The following BARD1 variants were observed in gnomAD, a reference collection of about 807,000 sequenced individuals.
BARD1 encodes the protein BRCA1 associated RING domain 1, also known as BRCA1-associated RING domain protein 1.
Under a neutral mutation model 77.0 loss-of-function variants are expected in BARD1, and 73 were observed. That is an observed-to-expected ratio of 0.95 (90% confidence interval 0.79 to 1.15). The LOEUF (loss-of-function observed/expected upper bound fraction) is 1.15. Among genes scored for constraint, BARD1 ranks in the 50% most tolerant of loss-of-function variants. The pLI is 0.00. For missense variants in BARD1, 993 were observed against 938.8 expected (o/e 1.06, Z -0.75); for synonymous variants, 384 against 338.0 (o/e 1.14, Z -1.49).
At chr2:214,737,434 T>A (rs1692614809) in intron 9 of BARD1, among the ~76,000 whole-genome samples, 1 of 152,096 alleles carries the variant, frequency 6.6e-6, no homozygotes, top group Admixed American at 6.5e-5. Flanking sequence ...CAAGTTTTTT[T>A]GTTCATCTTT....
intron 6 of BARD1, among the ~76,000 whole-genome samples, chr2:214,755,954 A>G (rs781141400): frequency 1.1e-4 from 16 of 152,350 alleles, no homozygotes; most frequent in Admixed American, 6.5e-4. Flanking sequence ...CAGTATATTA[A>G]TATCTTTTAC....
intron 1 of BARD1, among the ~76,000 whole-genome samples, chr2:214,801,933 C>T (rs1352858082): frequency 1.3e-5 from 2 of 151,094 alleles, no homozygotes; most frequent in East Asian, 2.0e-4. Context: ...GATCACAGCT[C>T]ACTGAGCTTT....
Position 214,752,557 on chromosome 2 carries a change from T to A in BARD1, c.1569-2A>T. The A allele has an allele frequency of 6.2e-7, 1 of 1,608,486 alleles. No individual in the cohort carries two copies. The highest frequency in any genetic ancestry group is 8.5e-7 in the Non-Finnish European group (1 of 1,175,046). ...ACAGGCCGCAGACCAAATATATTACTGGTAAAATAAGTGCAGATGTGTTTA... is the reference window on the plus strand; with the variant it reads ...ACAGGCCGCAGACCAAATATATTACAGGTAAAATAAGTGCAGATGTGTTTA... On this transcript the variant is annotated splice_acceptor_variant, in intron 6 of 10. Coordinates refer to ENST00000260947, the MANE Select transcript of BARD1 (RefSeq NM_000465.4). LOFTEE classifies it high-confidence loss of function.
rs375029767 is a variant in BARD1 at position 214,767,571 on chromosome 2, T to G, written c.1479A>C (p.Gln493His). Residue 493 changes from glutamine to histidine, a missense_variant, in exon 6 of 11, where the codon CAA becomes CAC. Physicochemically the swap from Gln to His is conservative, Grantham distance 24 (BLOSUM62 0). Coordinates refer to ENST00000260947, the MANE Select transcript of BARD1 (RefSeq NM_000465.4). ...CTGCATCGTGAAGTGGTGAGTCATT[T>G]TGATACCCGGTGGTGTTCACCAATG... ...HKALVNTTGYQNDSPLHDAAK... is the reference protein window; with the variant it reads ...HKALVNTTGYHNDSPLHDAAK... 7 of 1,614,104 alleles carry G rather than the reference T, an allele frequency of 4.3e-6. No homozygotes were observed. The East Asian group carries it at 1.6e-4, about 36-fold the overall frequency.
intron 1 of BARD1, among the ~76,000 whole-genome samples, chr2:214,808,814 C>G (rs1184247456): frequency 2.0e-5 from 3 of 152,326 alleles, no homozygotes; most frequent in East Asian, 3.9e-4. Flanking sequence ...GCGGGGACAC[C>G]AGACATACAG....
chr2:214,796,862 T>C (rs1260418152), intron 2 of BARD1, 199 bp downstream of exon 2: 3 of 581,754 alleles, frequency 5.2e-6, no homozygotes, highest in Non-Finnish European at 9.2e-6. Context: ...GGACAAGTCA[T>C]CCTCTTTGAG....
intron 9 of BARD1, among the ~76,000 whole-genome samples, chr2:214,742,374 C>T (rs1692878245): frequency 6.6e-6 from 1 of 152,062 alleles, no homozygotes; most frequent in Non-Finnish European, 1.5e-5. Flanking sequence ...ACACTGAGAA[C>T]AGTATAGAAA....
At chr2:214,753,256 T>C (rs2106040683) in intron 6 of BARD1, among the ~76,000 whole-genome samples, 1 of 152,274 alleles carries the variant, frequency 6.6e-6, no homozygotes, top group South Asian at 2.1e-4. Flanking sequence ...ATATTCTCCT[T>C]GTTCAATTTC....
intron 3 of BARD1, among the ~76,000 whole-genome samples, chr2:214,781,734 GAAC>G (rs1237309768): frequency 1.3e-5 from 2 of 151,738 alleles, no homozygotes; most frequent in African/African-American, 4.8e-5. Context: ...ATATAGCAGA[GAAC>G]AAAACATGAA....
chr2:214,775,339 T>C (rs888194924), intron 4 of BARD1, among the ~76,000 whole-genome samples: 2 of 152,170 alleles, frequency 1.3e-5, no homozygotes, highest in Non-Finnish European at 2.9e-5. Flanking sequence ...TTCAATATTC[T>C]TGTGTCCCAG....
chr2:214,727,128 T>C lies in BARD1; in HGVS notation c.*1548A>G, dbSNP rs913006039. ...TGTGGGACAAATGCATTACTGGTTG[T>C]AGAGAGTGTTTCAGAGCTAATTCAC... On this transcript the variant is annotated 3_prime_UTR_variant, in exon 11 of 11. Coordinates refer to ENST00000260947, the MANE Select transcript of BARD1 (RefSeq NM_000465.4). 1.3e-4 allele frequency: 29 copies of C among 216,832 alleles called. No homozygotes were observed. Among genetic ancestry groups the C allele is most frequent in the Admixed American group, 4.1e-4 (7 of 17,226 alleles). The allele number at this position is 216,832 out of a possible 1,614,324, so 13.4% of individuals were successfully genotyped here.
rs574472483 is a variant in BARD1 at position 214,734,651 on chromosome 2, A to T, written c.1904-4143T>A. Reference sequence around the variant, plus strand: ...CACAATCTAGAATAAAATACTCATAAATCATAAGGCCTAACCAATCCAATG... The same window carrying T: ...CACAATCTAGAATAAAATACTCATATATCATAAGGCCTAACCAATCCAATG... On this transcript the variant is annotated intron_variant, in intron 9 of 10. Coordinates refer to ENST00000260947, the MANE Select transcript of BARD1 (RefSeq NM_000465.4). 1.9e-3 allele frequency among the ~76,000 whole-genome samples: 285 copies of T among 152,332 alleles called. 1 individual carries two copies. Among genetic ancestry groups the T allele is most frequent in the Non-Finnish European group, 2.0e-3 (133 of 68,004 alleles).
intron 6 of BARD1, among the ~76,000 whole-genome samples, chr2:214,754,512 A>C (rs2106043627): frequency 6.6e-6 from 1 of 152,302 alleles, no homozygotes; most frequent in African/African-American, 2.4e-5. Context: ...TATTTGAAAA[A>C]AAGTGCATGA....
At chr2:214,751,211 G>A (rs1693436499) in intron 7 of BARD1, among the ~76,000 whole-genome samples, 1 of 127,010 alleles carries the variant, frequency 7.9e-6, no homozygotes, top group Admixed American at 9.0e-5. Context: ...AGGATGGAAT[G>A]CAGTGGCCTG....
At chr2:214,755,234 TTCA>T (rs1574762232) in intron 6 of BARD1, among the ~76,000 whole-genome samples, 1 of 152,204 alleles carries the variant, frequency 6.6e-6, no homozygotes, top group Non-Finnish European at 1.5e-5. Context: ...TACATTATTC[TTCA>T]TCACTATACA....
At chr2:214,807,763 A>C (rs1696342931) in intron 1 of BARD1, among the ~76,000 whole-genome samples, 1 of 152,114 alleles carries the variant, frequency 6.6e-6, no homozygotes. Flanking sequence ...TGGCCTACTC[A>C]ATAGTGTCAA....
intron 1 of BARD1, among the ~76,000 whole-genome samples, chr2:214,808,600 A>G (rs1352677753): frequency 6.6e-6 from 1 of 152,260 alleles, no homozygotes; most frequent in African/African-American, 2.4e-5. Flanking sequence ...CAAGTGCTCA[A>G]TAAAAATGCT....
At chr2:214,772,121 A>T (rs1474410041) in intron 4 of BARD1, among the ~76,000 whole-genome samples, 3 of 147,262 alleles carry the variant, frequency 2.0e-5, no homozygotes, top group East Asian at 2.2e-4. Context: ...ATACATCACC[A>T]TGCCCAGCTA....
chr2:214,805,493 C>T (rs1696227870), intron 1 of BARD1, among the ~76,000 whole-genome samples: 2 of 152,162 alleles, frequency 1.3e-5, no homozygotes, highest in African/African-American at 4.8e-5. Flanking sequence ...AAAAGCTGAA[C>T]CCGGAGTCAG....
Sources: gnomAD v4.1 joint callset for allele counts (sites outside exome capture counted in the v4.1 genomes callset) on GRCh38, gnomAD v4.1.1 for gene constraint, MANE v1.5 for transcripts, NCBI Gene and HGNC (gene_info 2026-07-23, HGNC 2026-07-21) for gene names.